BCL11B: variants seen among roughly 807,000 people sequenced by gnomAD.
BCL11B encodes B-cell lymphoma/leukemia 11B.
A neutral mutation model predicts 49.9 loss-of-function variants in BCL11B; 8 were observed. The ratio of observed to expected loss-of-function variants is 0.16; its 90% confidence interval spans 0.09 to 0.29. The LOEUF is 0.29. Among genes scored for constraint, BCL11B ranks in the 10% least tolerant of loss-of-function variants. The pLI, the probability that BCL11B is intolerant of heterozygous loss-of-function variation, is 1.00. For missense variants in BCL11B, 1,006 were observed against 1,351.0 expected (o/e 0.74, Z 4.00); for synonymous variants, 739 against 637.4 (o/e 1.16, Z -2.40).
rs574491366 is a variant in BCL11B, at chr14:99,194,993, G to A, written c.641-18798C>T. On this transcript the variant is annotated intron_variant, in intron 3 of 3. Coordinates refer to ENST00000357195, the MANE Select transcript of BCL11B (RefSeq NM_138576.4). This position sits in a 1 kb window ranked among gnomAD's most constrained non-coding sequence, Gnocchi z 4.6. ...CTGCCCTTGCTCCTTCCACCAATAA[G>A]TCACCTTAGCACAGAGCCATCTCCC... Among the ~76,000 whole-genome samples, 4 of 152,196 alleles carry A rather than the reference G, an allele frequency of 2.6e-5. No individual in the cohort carries two copies. In the South Asian group the frequency reaches 6.2e-4, roughly 24 times the overall value.
Position 99,271,260 on chromosome 14 carries a change from G to C in BCL11B, c.-42C>G, listed in dbSNP as rs781623158. On this transcript the variant is annotated 5_prime_UTR_variant, in exon 1 of 4. In the 5' UTR this introduces an upstream ATG that the reference lacks. Transcript: ENST00000357195. ...CTGGCATCGCCCGGAGAGCTGCACT[G>C]ATGGGGGGAGCCGGGGGAGGGGGTC... is the stretch of plus-strand genomic sequence containing the variant. 7.6e-7 allele frequency: 1 copy of C among 1,315,098 alleles called. No individual in the cohort carries two copies. Among genetic ancestry groups the C allele is most frequent in the Non-Finnish European group, 9.7e-7 (1 of 1,030,584 alleles). 81.5% of individuals were successfully genotyped at this position (1,315,098 alleles called of 1,614,324 possible).
At chr14:99,193,638 G>A (rs1427860211) in intron 3 of BCL11B, among the ~76,000 whole-genome samples, 1 of 152,088 alleles carries the variant, frequency 6.6e-6, no homozygotes, top group African/African-American at 2.4e-5. Flanking sequence ...TGAAATAAAT[G>A]ATTAAAGCCA....
intron 1 of BCL11B, among the ~76,000 whole-genome samples, chr14:99,264,947 C>G (rs1889439754): frequency 6.6e-6 from 1 of 152,256 alleles, no homozygotes; most frequent in South Asian, 2.1e-4. Context: ...GGGGACCGAG[C>G]CTGAGCACAT....
Position 99,174,630 on chromosome 14 carries a change from G to T in BCL11B, c.2206C>A (p.Pro736Thr). Residue 736 changes from proline to threonine, a missense_variant, in exon 4 of 4, where the codon CCC becomes ACC. Pro to Thr is a conservative substitution (Grantham distance 38). Transcript: ENST00000357195. ...FLGFTDARQSPFATSSEHSSE... is the reference protein window; with the variant it reads ...FLGFTDARQSTFATSSEHSSE... Reference sequence around the variant, plus strand: ...GAGTGCTCGGACGACGTGGCGAAGGGCGACTGTCGTGCGTCCGTGAAGCCC... The same window carrying T: ...GAGTGCTCGGACGACGTGGCGAAGGTCGACTGTCGTGCGTCCGTGAAGCCC... 5 of 1,566,250 alleles carry T rather than the reference G, an allele frequency of 3.2e-6. No individual in the cohort carries two copies. Among genetic ancestry groups the T allele is most frequent in the Non-Finnish European group, 3.4e-6 (4 of 1,160,536 alleles).
At chr14:99,190,575 C>T (rs1037718714) in intron 3 of BCL11B, among the ~76,000 whole-genome samples, 1 of 151,920 alleles carries the variant, frequency 6.6e-6, no homozygotes, top group Non-Finnish European at 1.5e-5. Flanking sequence ...AGTCCCATTC[C>T]TAACAATGGG....
In BCL11B at chr14:99,174,178, G is replaced by C; in HGVS notation, c.2658C>G (p.Val886=). ...AGCTCCTCTCGGCCTGCTCGATTTT[G>C]ACGTCGTTAGTCAGCAAGTGCTCGC... ...WHGEHLLTND[V]KIEQAERS The change falls in exon 4 of 4, where the codon GTC becomes GTG. Residue 886 remains valine (V), a synonymous_variant. Transcript: ENST00000357195. 6.2e-7 allele frequency: 1 copy of C among 1,613,300 alleles called. No homozygotes were observed. Among genetic ancestry groups the C allele is most frequent in the Non-Finnish European group, 8.5e-7 (1 of 1,180,014 alleles).
At chr14:99,217,031 CAT>C (rs1367868306) in intron 3 of BCL11B, among the ~76,000 whole-genome samples, 1 of 152,172 alleles carries the variant, frequency 6.6e-6, no homozygotes, top group Non-Finnish European at 1.5e-5. Flanking sequence ...CACATCTACA[CAT>C]ATACACATGC....
intron 3 of BCL11B, among the ~76,000 whole-genome samples, chr14:99,217,664 C>A (rs1595255383): frequency 6.6e-6 from 1 of 152,218 alleles, no homozygotes; most frequent in Non-Finnish European, 1.5e-5. Flanking sequence ...CTACTGGCTT[C>A]CAGACTGGGG....
In BCL11B at chr14:99,175,580, G is replaced by A; in HGVS notation, c.1256C>T (p.Pro419Leu). The A allele has an allele frequency of 6.3e-7, 1 of 1,585,190 alleles. No individual in the cohort carries two copies. The highest frequency in any genetic ancestry group is 8.6e-7 in the Non-Finnish European group (1 of 1,167,604). ...LPPMPPGGTP[P>L]PQPPAKSKSC... is the part of the protein sequence containing the mutation. ...CTTGCTCTTGGCTGGCGGCTGCGGGGGCGGCGTGCCGCCAGGGGGCATGGG... is the reference window on the plus strand; with the variant it reads ...CTTGCTCTTGGCTGGCGGCTGCGGGAGCGGCGTGCCGCCAGGGGGCATGGG... Residue 419 changes from proline (P) to leucine (L), a missense_variant, in exon 4 of 4, where the codon CCC becomes CTC. Physicochemically the swap from Pro to Leu is moderately conservative, Grantham distance 98 (BLOSUM62 -3). This residue lies in a region of BCL11B where 97 missense variants were observed against 81.5 expected (regional missense o/e 1.19). Coordinates refer to ENST00000357195, the MANE Select transcript of BCL11B (RefSeq NM_138576.4).
chr14:99,242,196 T>C lies in BCL11B; in HGVS notation c.428-10639A>G, dbSNP rs143801963. On this transcript the variant is annotated intron_variant, in intron 2 of 3. Coordinates refer to ENST00000357195, the MANE Select transcript of BCL11B (RefSeq NM_138576.4). The surrounding 1 kb of genome is among the most constrained non-coding windows in gnomAD (Gnocchi z 4.4). ...ATGTGTCAAAAGAAGGCAGCACTAA[T>C]CTGCTGGTTAATTAACGAGCTGCCA... Among the ~76,000 whole-genome samples the C allele has an allele frequency of 2.7e-4, 41 of 152,278 alleles. No homozygotes were observed. The East Asian group carries it at 7.0e-3, about 26-fold the overall frequency.
chr14:99,209,703 G>A (rs971869646), intron 3 of BCL11B, among the ~76,000 whole-genome samples: 2 of 152,108 alleles, frequency 1.3e-5, no homozygotes, highest in African/African-American at 2.4e-5. Flanking sequence ...GAAGAAGCCC[G>A]AGGGTGGGTG....
intron 1 of BCL11B, among the ~76,000 whole-genome samples, chr14:99,269,524 C>CA (rs35131341): frequency 6.7e-6 from 1 of 150,370 alleles, no homozygotes; most frequent in African/African-American, 2.5e-5. Flanking sequence ...TTCCCCCCCC[C>CA]CCAAAAAAAA....
chr14:99,206,502 G>T (rs1887537299), intron 3 of BCL11B, among the ~76,000 whole-genome samples: 1 of 152,324 alleles, frequency 6.6e-6, no homozygotes, highest in South Asian at 2.1e-4. Context: ...GCTCTGTCCT[G>T]CCCAAGACCT....
At chr14:99,209,312 C>T (rs1301638501) in intron 3 of BCL11B, among the ~76,000 whole-genome samples, 5 of 152,114 alleles carry the variant, frequency 3.3e-5, no homozygotes, top group East Asian at 3.9e-4. Context: ...CCCAAAACTC[C>T]GCTTCTTGTT....
chr14:99,222,609 C>T (rs1888043577), intron 3 of BCL11B, among the ~76,000 whole-genome samples: 1 of 152,252 alleles, frequency 6.6e-6, no homozygotes, highest in South Asian at 2.1e-4. Flanking sequence ...AAGGTCAAAA[C>T]TGCCTTCTGG....
At chr14:99,178,492 C>T (rs1309229646) in intron 3 of BCL11B, among the ~76,000 whole-genome samples, 1 of 152,192 alleles carries the variant, frequency 6.6e-6, no homozygotes, top group Non-Finnish European at 1.5e-5. Context: ...CACCCCAACA[C>T]CACAGCCCTC....
chr14:99,240,201 G>A (rs540114046), intron 2 of BCL11B, among the ~76,000 whole-genome samples: 57 of 152,134 alleles, frequency 3.7e-4, no homozygotes, highest in African/African-American at 1.3e-3. Context: ...AAGAAAGAAA[G>A]GAAGAGAGAG....
intron 1 of BCL11B, among the ~76,000 whole-genome samples, chr14:99,270,699 G>A (rs1370220917): frequency 6.6e-6 from 1 of 150,758 alleles, no homozygotes; most frequent in Non-Finnish European, 1.5e-5. Context: ...TCCTCCGCCC[G>A]CGCCGTCAGC....
intron 3 of BCL11B, among the ~76,000 whole-genome samples, chr14:99,219,314 G>A (rs142698797): frequency 2.3e-3 from 343 of 152,266 alleles, no homozygotes; most frequent in African/African-American, 8.0e-3. Flanking sequence ...GATTACAGGC[G>A]TGAGCCACCG....
Sources: gnomAD v4.1 joint callset for allele counts (sites outside exome capture counted in the v4.1 genomes callset) on GRCh38, gnomAD v4.1.1 for gene constraint, gnomAD v4.1.1 regional missense constraint, Gnocchi (gnomAD v3.1) non-coding constraint, MANE v1.5 for transcripts, NCBI Gene and HGNC (gene_info 2026-07-23, HGNC 2026-07-21) for gene names.